Variants in MACROD2 observed in about 807,000 individuals in gnomAD.
MACROD2 encodes the protein mono-ADP ribosylhydrolase 2, also known as ADP-ribose glycohydrolase MACROD2.
Under a neutral mutation model 70.4 loss-of-function variants are expected in MACROD2, and 36 were observed. That is an observed-to-expected ratio of 0.51 (90% CI 0.39 to 0.68). The LOEUF is 0.68. Ranked by LOEUF, MACROD2 falls within the 30% of genes least tolerant of loss-of-function variation. The pLI, the probability that MACROD2 is intolerant of heterozygous loss-of-function variation, is 0.00. For synonymous variants in MACROD2, 172 were observed against 178.8 expected, an observed-to-expected ratio of 0.96 and a Z score of 0.30; for missense variants, 496 against 538.4, an observed-to-expected ratio of 0.92 and a Z score of 0.78.
At chr20:15,724,699 G>C (rs1328468528) in intron 8 of MACROD2, among the ~76,000 whole-genome samples, 1 of 152,044 alleles carries the variant, frequency 6.6e-6, no homozygotes, top group African/African-American at 2.4e-5. Flanking sequence ...TTTACAATAG[G>C]TCTTGAAGTT....
chr20:15,584,634 C>A (rs957160307), intron 8 of MACROD2, among the ~76,000 whole-genome samples: 1 of 152,222 alleles, frequency 6.6e-6, no homozygotes, highest in East Asian at 1.9e-4. Flanking sequence ...TAATGAACAG[C>A]GTCACATCAG....
At chr20:15,104,924 A>T (rs1251386176) in intron 5 of MACROD2, among the ~76,000 whole-genome samples, 1 of 152,152 alleles carries the variant, frequency 6.6e-6, no homozygotes, top group Non-Finnish European at 1.5e-5. Flanking sequence ...TTTTATTTTT[A>T]AAAGTCCAGA....
chr20:15,898,565 A>C (rs1169969054), intron 10 of MACROD2, among the ~76,000 whole-genome samples: 2 of 151,226 alleles, frequency 1.3e-5, no homozygotes, highest in African/African-American at 4.9e-5. Context: ...AAAAAAAAAA[A>C]AAAAACAAAT....
intron 4 of MACROD2, among the ~76,000 whole-genome samples, chr20:14,654,242 T>C (rs1985846517): frequency 6.6e-6 from 1 of 152,044 alleles, no homozygotes; most frequent in African/African-American, 2.4e-5. Context: ...TTTTCTCTTA[T>C]TGTTTTTAAG....
At chr20:14,973,351 T>C (rs746141051) in intron 5 of MACROD2, among the ~76,000 whole-genome samples, 1 of 151,080 alleles carries the variant, frequency 6.6e-6, no homozygotes, top group Non-Finnish European at 1.5e-5. Flanking sequence ...GCACCCTGAG[T>C]AGCTGGGACT....
At chr20:15,386,098 G>C (rs1448484831) in intron 6 of MACROD2, among the ~76,000 whole-genome samples, 2 of 152,174 alleles carry the variant, frequency 1.3e-5, no homozygotes, top group Non-Finnish European at 2.9e-5. Context: ...ACAGCTGTCA[G>C]TGTATAATCA....
At chr20:14,472,467 TC>T (rs978117432) in intron 3 of MACROD2, among the ~76,000 whole-genome samples, 4 of 152,182 alleles carry the variant, frequency 2.6e-5, no homozygotes, top group African/African-American at 9.6e-5. Flanking sequence ...TCTTTTTTAA[TC>T]CCCACAATCA....
intron 5 of MACROD2, among the ~76,000 whole-genome samples, chr20:15,147,373 A>G (rs985425898): frequency 1.1e-4 from 17 of 152,106 alleles, no homozygotes; most frequent in African/African-American, 4.1e-4. Flanking sequence ...AATATGGGGA[A>G]ACATTATTTT....
intron 7 of MACROD2, among the ~76,000 whole-genome samples, chr20:15,497,624 C>T (rs2047315158): frequency 2.0e-5 from 3 of 152,162 alleles, no homozygotes; most frequent in Admixed American, 1.3e-4. Flanking sequence ...CACCCGTACT[C>T]TCATTCTGCT....
intron 8 of MACROD2, among the ~76,000 whole-genome samples, chr20:15,648,750 G>A (rs1466674664): frequency 6.6e-6 from 1 of 152,006 alleles, no homozygotes; most frequent in African/African-American, 2.4e-5. Context: ...TGGATGGATG[G>A]GTGAAAGAGT....
chr20:14,562,490 T>A lies in MACROD2; in HGVS notation c.301+68982T>A, dbSNP rs1048699462. Among the ~76,000 whole-genome samples, 5 of 143,494 alleles carry A rather than the reference T, an allele frequency of 3.5e-5. No individual in the cohort carries two copies. The East Asian group carries it at 1.1e-3, about 30-fold the overall frequency. 94.1% of individuals were successfully genotyped at this position (143,494 alleles called of 152,430 possible). ...GTATAGATATAATTTTTAAAAATTG[T>A]TAAGTAACACTTGACAGCAAAAGGA... On this transcript the variant is annotated intron_variant, in intron 4 of 17. Transcript: ENST00000684519.
intron 8 of MACROD2, among the ~76,000 whole-genome samples, chr20:15,515,586 A>T (rs537142975): frequency 6.6e-6 from 1 of 152,252 alleles, no homozygotes; most frequent in Non-Finnish European, 1.5e-5. Context: ...AAATTCATCC[A>T]TGCATTGTTT....
intron 4 of MACROD2, among the ~76,000 whole-genome samples, chr20:14,644,283 G>A (rs78327298): frequency 0.01 from 1,589 of 152,250 alleles, 28 homozygotes; most frequent in African/African-American, 0.034. Context: ...AACACTGAAA[G>A]GATCTACAGT....
intron 4 of MACROD2, among the ~76,000 whole-genome samples, chr20:14,591,732 G>A (rs1981783429): frequency 6.6e-6 from 1 of 152,200 alleles, no homozygotes; most frequent in African/African-American, 2.4e-5. Flanking sequence ...TCTGCAGAGA[G>A]GGGCAATATT....
At chr20:15,649,637 A>C (rs1600712942) in intron 8 of MACROD2, among the ~76,000 whole-genome samples, 1 of 152,284 alleles carries the variant, frequency 6.6e-6, no homozygotes, top group East Asian at 1.9e-4. Context: ...TGTGGCAATT[A>C]GTTTAGGCCT....
chr20:15,887,013 A>G (rs2064830612), intron 10 of MACROD2, among the ~76,000 whole-genome samples: 1 of 152,114 alleles, frequency 6.6e-6, no homozygotes, highest in Non-Finnish European at 1.5e-5. Context: ...TGACCATGAA[A>G]GAGGTATCTC....
intron 5 of MACROD2, among the ~76,000 whole-genome samples, chr20:14,854,716 T>C (rs986121417): frequency 5.3e-5 from 8 of 152,136 alleles, no homozygotes; most frequent in African/African-American, 1.9e-4. Context: ...GTGAGCTCTC[T>C]TTAAGAAAAA....
intron 5 of MACROD2, among the ~76,000 whole-genome samples, chr20:14,992,684 AG>A (rs1345356738): frequency 3.3e-5 from 5 of 150,724 alleles, no homozygotes; most frequent in Admixed American, 1.3e-4. Context: ...CCTTTTCCTA[AG>A]TAGACTATAA....
At chr20:14,023,766 T>C (rs1179849432) in intron 2 of MACROD2, among the ~76,000 whole-genome samples, 1 of 152,202 alleles carries the variant, frequency 6.6e-6, no homozygotes, top group African/African-American at 2.4e-5. Context: ...TATATATCTG[T>C]TTTAGCACCA....
Sources: allele counts gnomAD v4.1 joint callset (sites outside exome capture counted in the v4.1 genomes callset), GRCh38; gene constraint gnomAD v4.1.1; transcripts MANE v1.5; gene names NCBI Gene and HGNC (gene_info 2026-07-23, HGNC 2026-07-21).